The following ESRRG variants were observed in gnomAD, a reference collection of about 807,000 sequenced individuals.
ESRRG encodes estrogen-related receptor gamma.
ESRRG carries 13 observed loss-of-function variants against 44.0 expected under a neutral mutation model. That is an observed-to-expected ratio of 0.30 (90% CI 0.19 to 0.47). The LOEUF (loss-of-function observed/expected upper bound fraction) is 0.47. ESRRG is among the 20% of genes least tolerant of loss of function. The pLI is 1.00. For synonymous variants in ESRRG, 215 were observed against 214.6 expected, an observed-to-expected ratio of 1.00 and a Z score of -0.02; for missense variants, 395 against 580.6, an observed-to-expected ratio of 0.68 and a Z score of 3.29.
At chr1:216,653,780 G>C (rs543228768) in intron 2 of ESRRG, among the ~76,000 whole-genome samples, 1 of 152,134 alleles carries the variant, frequency 6.6e-6, no homozygotes, top group African/African-American at 2.4e-5. Flanking sequence ...CCATTGGATG[G>C]TAAGACACTA....
chr1:216,516,698 TAGA>T (rs1420478534), intron 6 of ESRRG, among the ~76,000 whole-genome samples: 1 of 106,878 alleles, frequency 9.4e-6, no homozygotes, highest in Non-Finnish European at 1.9e-5. Flanking sequence ...ACAAAAAAAA[TAGA>T]AGCCCTTTAG....
intron 2 of ESRRG, among the ~76,000 whole-genome samples, chr1:216,928,121 C>T (rs988656269): frequency 4.6e-5 from 7 of 152,146 alleles, no homozygotes; most frequent in Non-Finnish European, 7.4e-5. Flanking sequence ...TCTCTTCCTT[C>T]ATATTGTTGT....
intron 2 of ESRRG, among the ~76,000 whole-genome samples, chr1:216,751,726 C>T (rs533950171): frequency 1.8e-4 from 27 of 152,254 alleles, no homozygotes; most frequent in Middle Eastern, 3.4e-3. Context: ...TGTCCCTTCG[C>T]TTCTTTCCTC....
intron 1 of ESRRG, among the ~76,000 whole-genome samples, chr1:216,682,793 A>G (rs1291329539): frequency 1.3e-5 from 2 of 150,736 alleles, no homozygotes; most frequent in Non-Finnish European, 2.9e-5. Context: ...TCCCGGAGGT[A>G]CAGGCTTCAG....
chr1:216,519,499 G>A, intron 5 of ESRRG, 78 bp from the exon 6 acceptor site: 1 of 1,381,714 alleles, frequency 7.2e-7, no homozygotes, highest in Non-Finnish European at 9.8e-7. Context: ...TATGGTAGCT[G>A]GCTTCTGCAT....
chr1:216,573,348 C>T (rs564217436), intron 3 of ESRRG, among the ~76,000 whole-genome samples: 1 of 151,916 alleles, frequency 6.6e-6, no homozygotes, highest in Non-Finnish European at 1.5e-5. Flanking sequence ...TTTCTATAAA[C>T]TTTGATGAGT....
chr1:216,928,093 C>G (rs1471179498), intron 2 of ESRRG, among the ~76,000 whole-genome samples: 1 of 152,102 alleles, frequency 6.6e-6, no homozygotes, highest in Non-Finnish European at 1.5e-5. Context: ...GGATTGGAAC[C>G]TAATGGTGAC....
intron 2 of ESRRG, among the ~76,000 whole-genome samples, chr1:216,919,315 A>C (rs2061550425): frequency 6.6e-6 from 1 of 152,314 alleles, no homozygotes; most frequent in Middle Eastern, 3.4e-3. Context: ...AGAAAATGTC[A>C]TCCATGTGGC....
chr1:216,809,501 C>T (rs2094903842), intron 2 of ESRRG, among the ~76,000 whole-genome samples: 1 of 152,092 alleles, frequency 6.6e-6, no homozygotes, highest in Non-Finnish European at 1.5e-5. Flanking sequence ...TGAGTGATAG[C>T]AACATTTTTA....
chr1:217,102,332 C>T (rs956063508), intron 1 of ESRRG, among the ~76,000 whole-genome samples: 5 of 152,190 alleles, frequency 3.3e-5, no homozygotes, highest in African/African-American at 1.2e-4. Flanking sequence ...AGCTATGCCT[C>T]TCACCACCAT....
chr1:216,646,227 A>C (rs952790735), intron 3 of ESRRG, among the ~76,000 whole-genome samples: 4 of 152,128 alleles, frequency 2.6e-5, no homozygotes, highest in Admixed American at 6.6e-5. Flanking sequence ...TTCCTCATGA[A>C]ATTTCTGAGC....
At chr1:216,640,658 A>C (rs1331067444) in intron 3 of ESRRG, among the ~76,000 whole-genome samples, 1 of 152,156 alleles carries the variant, frequency 6.6e-6, no homozygotes, top group Non-Finnish European at 1.5e-5. Flanking sequence ...GCATAGCCTT[A>C]ACCAGAAAGG....
At chr1:216,579,394 A>G (rs778802639) in intron 3 of ESRRG, among the ~76,000 whole-genome samples, 2 of 152,164 alleles carry the variant, frequency 1.3e-5, no homozygotes, top group Non-Finnish European at 2.9e-5. Context: ...TAAACATACC[A>G]AAATTTTTTG....
At chr1:217,056,246 T>C (rs1259488300) in intron 1 of ESRRG, among the ~76,000 whole-genome samples, 1 of 152,138 alleles carries the variant, frequency 6.6e-6, no homozygotes, top group African/African-American at 2.4e-5. Flanking sequence ...TGAGAAATAC[T>C]TTAAGACACC....
chr1:216,786,545 T>C (rs79758179), intron 2 of ESRRG, among the ~76,000 whole-genome samples: 4,960 of 152,090 alleles, frequency 0.033, 218 homozygotes, highest in East Asian at 0.13. Flanking sequence ...CAGAAACACA[T>C]ACACAAACTC....
chr1:216,910,670 C>T (rs992392049), intron 2 of ESRRG, among the ~76,000 whole-genome samples: 2 of 152,110 alleles, frequency 1.3e-5, no homozygotes, highest in Non-Finnish European at 2.9e-5. Flanking sequence ...GAAATGGGGC[C>T]GACAATGCTT....
intron 1 of ESRRG, among the ~76,000 whole-genome samples, chr1:216,970,454 T>C (rs1056584327): frequency 1.3e-5 from 2 of 152,176 alleles, no homozygotes; most frequent in Non-Finnish European, 2.9e-5. Context: ...TTTAGCACAA[T>C]GGCTACCTAG....
rs192308693 is a variant in ESRRG at position 217,106,324 on chromosome 1, G to A, written c.-230+31343C>T. Among the ~76,000 whole-genome samples the A allele has an allele frequency of 5.0e-4, 76 of 151,870 alleles. 1 individual carries two copies. In the East Asian group the frequency reaches 7.4e-3, roughly 15 times the overall value. On this transcript the variant is annotated intron_variant, in intron 1 of 8. Coordinates refer to the ESRRG transcript ENST00000366940. ...GACCTCTTCTAGGTTGTCCTTCTCT[G>A]TTCAGCCACCATTCGGGAAGCCCCT...
chr1:216,551,765 G>A (rs1484977981), intron 5 of ESRRG, among the ~76,000 whole-genome samples: 1 of 152,170 alleles, frequency 6.6e-6, no homozygotes, highest in Non-Finnish European at 1.5e-5. Context: ...TGTGCAGAGA[G>A]ATATAGTAGA....
Sources: allele counts gnomAD v4.1 joint callset (sites outside exome capture counted in the v4.1 genomes callset), GRCh38; gene constraint gnomAD v4.1.1; transcripts MANE v1.5; gene names NCBI Gene and HGNC (gene_info 2026-07-23, HGNC 2026-07-21).